Variants in PPM1B observed in about 807,000 individuals in gnomAD.
PPM1B encodes protein phosphatase, Mg2+/Mn2+ dependent 1B, also known as protein phosphatase 1B.
PPM1B carries 22 observed loss-of-function variants against 43.0 expected under a neutral mutation model. The observed-to-expected ratio is 0.51, with a 90% CI of 0.37 to 0.73. The LOEUF is 0.73. Among genes scored for constraint, PPM1B ranks in the 30% least tolerant of loss-of-function variants. The pLI, the probability that PPM1B is intolerant of heterozygous loss-of-function variation, is 0.00. For synonymous variants in PPM1B, 217 were observed against 197.9 expected, an observed-to-expected ratio of 1.10 and a Z score of -0.81; for missense variants, 632 against 584.2, an observed-to-expected ratio of 1.08 and a Z score of -0.84.
chr2:44,230,968 C>T lies in PPM1B; in HGVS notation c.*250C>T. ...CATTGTATGCCAGAAATTAGGCTAC[C>T]AATTATGAATTAAAGTCAGTAGTTA... On this transcript the variant is annotated 3_prime_UTR_variant, in exon 6 of 6. Transcript: ENST00000282412. 2 of 1,083,372 alleles carry T rather than the reference C, an allele frequency of 1.8e-6. No homozygotes were observed. Among genetic ancestry groups the T allele is most frequent in the Non-Finnish European group, 2.3e-6 (2 of 876,918 alleles). 67.1% of individuals were successfully genotyped at this position (1,083,372 alleles called of 1,614,324 possible).
intron 3 of PPM1B, among the ~76,000 whole-genome samples, chr2:44,216,156 T>C (rs1294652883): frequency 6.6e-6 from 1 of 152,162 alleles, no homozygotes; most frequent in Non-Finnish European, 1.5e-5. Flanking sequence ...GAGAAGAGAT[T>C]GTATAAAAGG....
intron 5 of PPM1B, among the ~76,000 whole-genome samples, chr2:44,228,951 T>G (rs1049581132): frequency 1.3e-5 from 2 of 152,042 alleles, no homozygotes; most frequent in Non-Finnish European, 1.5e-5. Context: ...GGGAGGCCGA[T>G]GCAGGCAGAT....
At chr2:44,184,924 A>G (rs115962884) in intron 1 of PPM1B, among the ~76,000 whole-genome samples, 486 of 150,318 alleles carry the variant, frequency 3.2e-3, no homozygotes, top group African/African-American at 0.012. Context: ...TTAAAATATT[A>G]TTAAACTCAC....
At chr2:44,195,343 G>T (rs1027765862) in intron 1 of PPM1B, among the ~76,000 whole-genome samples, 3 of 152,124 alleles carry the variant, frequency 2.0e-5, no homozygotes, top group Admixed American at 1.3e-4. Flanking sequence ...AGCTGGTGCT[G>T]CAGGCATACG....
At chr2:44,235,079 T>G (rs886820156), downstream of PPM1B, among the ~76,000 whole-genome samples, 1 of 152,202 alleles carries the variant, frequency 6.6e-6, no homozygotes, top group Non-Finnish European at 1.5e-5. Flanking sequence ...ATATCAAAAC[T>G]TGACAACTGA....
chr2:44,237,053 A>G (rs1000758658), downstream of PPM1B, among the ~76,000 whole-genome samples: 15 of 152,244 alleles, frequency 9.9e-5, no homozygotes, highest in East Asian at 1.9e-4. Flanking sequence ...AATTCAAGCA[A>G]TGATTTAATT....
chr2:44,210,863 C>T (rs975693787), intron 3 of PPM1B, among the ~76,000 whole-genome samples: 2 of 152,138 alleles, frequency 1.3e-5, no homozygotes, highest in African/African-American at 4.8e-5. Context: ...ATTGACCCAG[C>T]ACGGTGGCTC....
rs938317100 is a variant in PPM1B at position 44,201,477 on chromosome 2, C to T, written c.278C>T (p.Ser93Phe). ...TTTAGGGCAGCTGGAAAATCAGGATCTGCTCTTGAGCTTTCAGTGGAAAAT... is the reference window on the plus strand; with the variant it reads ...TTTAGGGCAGCTGGAAAATCAGGATTTGCTCTTGAGCTTTCAGTGGAAAAT... The part of the protein sequence containing the change: ...EDFRAAGKSG[S>F]ALELSVENVK... Residue 93 changes from serine (S) to phenylalanine (F), a missense_variant, in exon 2 of 6, where the codon TCT becomes TTT. Ser to Phe is a radical substitution (Grantham distance 155, BLOSUM62 -2). Around this residue, in one of 3 missense-constraint regions of PPM1B, gnomAD observed 200 missense variants for 200.7 expected, o/e 1.00. Transcript: ENST00000282412. The surrounding 1 kb of genome is among the most constrained non-coding windows in gnomAD (Gnocchi z 5.4). The T allele has an allele frequency of 1.2e-6, 2 of 1,614,080 alleles. No homozygotes were observed. Among genetic ancestry groups the T allele is most frequent in the Admixed American group, 3.3e-5 (2 of 59,992 alleles).
intron 3 of PPM1B, among the ~76,000 whole-genome samples, chr2:44,210,170 C>T (rs61468943): frequency 0.013 from 1,965 of 150,764 alleles, 46 homozygotes; most frequent in African/African-American, 0.044. Context: ...ATTAGTGTTT[C>T]AAAAGATTAT....
At chr2:44,175,685 C>G (rs1272584357) in intron 1 of PPM1B, among the ~76,000 whole-genome samples, 1 of 150,890 alleles carries the variant, frequency 6.6e-6, no homozygotes, top group Non-Finnish European at 1.5e-5. Context: ...CTATTTTTAA[C>G]AAAAGGAAAG....
intron 5 of PPM1B, chr2:44,244,154 T>C (rs1670807090): frequency 5.1e-6 from 4 of 788,274 alleles, no homozygotes; most frequent in Non-Finnish European, 6.4e-6. Flanking sequence ...TTTATTTACT[T>C]ACCAACCCCA....
At chr2:44,242,827 G>A (rs1670779440) in intron 5 of PPM1B, among the ~76,000 whole-genome samples, 2 of 151,946 alleles carry the variant, frequency 1.3e-5, no homozygotes, top group Admixed American at 1.3e-4. Flanking sequence ...TTCTTGATTT[G>A]TGAGAGCTCT....
chr2:44,229,693 T>C (rs1028608979), intron 5 of PPM1B, among the ~76,000 whole-genome samples: 5 of 152,210 alleles, frequency 3.3e-5, no homozygotes, highest in African/African-American at 7.2e-5. Flanking sequence ...TGTAAAGATA[T>C]CTTTATTTTA....
chr2:44,228,607 A>G (rs1029195643), intron 5 of PPM1B, among the ~76,000 whole-genome samples: 1 of 152,174 alleles, frequency 6.6e-6, no homozygotes, highest in Non-Finnish European at 1.5e-5. Context: ...GATGGTTAAG[A>G]GTTTGTGTCA....
At chr2:44,232,577 G>T (rs1186213799), downstream of PPM1B, 1 of 1,366,250 alleles carries the variant, frequency 7.3e-7, no homozygotes, top group African/African-American at 1.5e-5. Context: ...AGGCATACTC[G>T]TTACATCTGT....
intron 1 of PPM1B, among the ~76,000 whole-genome samples, chr2:44,195,243 G>A (rs770149983): frequency 9.3e-4 from 137 of 147,536 alleles, no homozygotes; most frequent in African/African-American, 2.9e-3. Flanking sequence ...TCACTGTGTC[G>A]CTCAGGCTAG....
At chr2:44,239,680 G>A (rs560096739) in intron 5 of PPM1B, among the ~76,000 whole-genome samples, 7 of 152,084 alleles carry the variant, frequency 4.6e-5, no homozygotes, top group Non-Finnish European at 8.8e-5. Context: ...TTACCTTCCA[G>A]CCATTTTAGA....
In PPM1B at chr2:44,244,248, C is replaced by T. The variant is rs756844713; in HGVS notation, n.1567C>T. 3.0e-6 allele frequency: 4 copies of T among 1,344,168 alleles called. No homozygotes were observed. The African/African-American group carries it at 4.5e-5, about 15-fold the overall frequency. 83.3% of individuals were successfully genotyped at this position (1,344,168 alleles called of 1,614,324 possible). ...ACCAGATGGCAGTCTTGGGCACGTC[C>T]ATCTGTAAACCTGCTGAGAGCTCTG... On this transcript the variant is annotated non_coding_transcript_exon_variant, in exon 6 of 6. Coordinates refer to the PPM1B transcript ENST00000378540.
chr2:44,193,639 C>G (rs113149170), intron 1 of PPM1B, among the ~76,000 whole-genome samples: 29,076 of 143,562 alleles, frequency 0.2, 3,117 homozygotes, highest in African/African-American at 0.29. Flanking sequence ...GAGTGCAGTG[C>G]TACGATCTCA....
Sources: allele counts gnomAD v4.1 joint callset (sites outside exome capture counted in the v4.1 genomes callset), GRCh38; gene constraint gnomAD v4.1.1; regional missense constraint gnomAD v4.1.1; non-coding constraint Gnocchi (gnomAD v3.1); transcripts MANE v1.5; gene names NCBI Gene and HGNC (gene_info 2026-07-23, HGNC 2026-07-21).